The following ZBTB2 variants were observed in gnomAD, a reference collection of about 807,000 sequenced individuals.
ZBTB2 encodes zinc finger and BTB domain-containing protein 2.
Under a neutral mutation model 39.5 loss-of-function variants are expected in ZBTB2, and 2 were observed. The ratio of observed to expected loss-of-function variants is 0.05; its 90% CI spans 0.02 to 0.16. The LOEUF (loss-of-function observed/expected upper bound fraction) is 0.16, where lower values mean the gene tolerates loss of function less well. Among genes scored for constraint, ZBTB2 ranks in the 10% least tolerant of loss-of-function variants. ZBTB2 has a pLI of 1.00. For missense variants in ZBTB2, 391 were observed against 653.0 expected (o/e 0.60, Z 4.37); for synonymous variants, 251 against 256.6 (o/e 0.98, Z 0.21).
intron 2 of ZBTB2, among the ~76,000 whole-genome samples, chr6:151,371,835 G>T (rs545235254): frequency 1.3e-5 from 2 of 152,356 alleles, no homozygotes; most frequent in East Asian, 3.9e-4. Context: ...GAAAGGAAAA[G>T]AAGTGACAAA....
intron 1 of ZBTB2, among the ~76,000 whole-genome samples, chr6:151,381,442 A>C (rs928237581): frequency 1.3e-5 from 2 of 152,056 alleles, no homozygotes; most frequent in Non-Finnish European, 2.9e-5. Context: ...AATCACTTAA[A>C]CTTGGGAAGT....
intron 1 of ZBTB2, among the ~76,000 whole-genome samples, chr6:151,384,973 C>T (rs1371655082): frequency 6.6e-6 from 1 of 151,890 alleles, no homozygotes; most frequent in African/African-American, 2.4e-5. Flanking sequence ...CACAAAGGGC[C>T]GACAATCAAG....
rs1402173405 is a variant in ZBTB2 at position 151,368,760 on chromosome 6, C to T, written c.174-1868G>A. On this transcript the variant is annotated intron_variant, in intron 2 of 2. Coordinates refer to ENST00000325144, the MANE Select transcript of ZBTB2 (RefSeq NM_020861.3). ...TGAGCTACTGCGCCTGGTCATTTTT[C>T]TTTCTTTTTTTTTTTAATTTTGAGA... 2.1e-5 allele frequency among the ~76,000 whole-genome samples: 3 copies of T among 141,278 alleles called. No homozygotes were observed. In the East Asian group the frequency reaches 6.4e-4, roughly 30 times the overall value. The allele number at this position is 141,278 out of a possible 152,430, so 92.7% of individuals were successfully genotyped here.
At chr6:151,368,256 C>G (rs1778692789) in intron 2 of ZBTB2, among the ~76,000 whole-genome samples, 1 of 151,856 alleles carries the variant, frequency 6.6e-6, no homozygotes, top group Non-Finnish European at 1.5e-5. Context: ...ACACCATTCT[C>G]CTGCCTCAGC....
intron 1 of ZBTB2, among the ~76,000 whole-genome samples, chr6:151,383,868 T>C (rs1562770677): frequency 6.6e-6 from 1 of 152,200 alleles, no homozygotes; most frequent in Non-Finnish European, 1.5e-5. Flanking sequence ...GCCTGATGCT[T>C]CTGGAAAGCT....
chr6:151,389,579 G>C (rs1779237681), intron 1 of ZBTB2, among the ~76,000 whole-genome samples: 1 of 152,186 alleles, frequency 6.6e-6, no homozygotes, highest in African/African-American at 2.4e-5. Flanking sequence ...CTGGAGTTCT[G>C]ATAATTCTGA....
intron 2 of ZBTB2, among the ~76,000 whole-genome samples, chr6:151,367,510 G>A (rs191873752): frequency 2.0e-5 from 3 of 152,254 alleles, no homozygotes; most frequent in African/African-American, 7.2e-5. Flanking sequence ...CACTGCTCCT[G>A]GGCTTTACAG....
At chr6:151,372,033 A>C (rs577283212) in intron 2 of ZBTB2, among the ~76,000 whole-genome samples, 6 of 152,326 alleles carry the variant, frequency 3.9e-5, no homozygotes, top group Non-Finnish European at 7.4e-5. Flanking sequence ...AGAGTTCTGG[A>C]GACAGAACAG....
At chr6:151,378,815 T>C (rs2114869796) in intron 1 of ZBTB2, among the ~76,000 whole-genome samples, 1 of 152,350 alleles carries the variant, frequency 6.6e-6, no homozygotes, top group East Asian at 1.9e-4. Context: ...TTGATGATAA[T>C]GATAAGAATT....
intron 2 of ZBTB2, among the ~76,000 whole-genome samples, chr6:151,372,774 G>C (rs1319924005): frequency 6.6e-6 from 1 of 152,114 alleles, no homozygotes; most frequent in Non-Finnish European, 1.5e-5. Context: ...ACTGGGGCTG[G>C]AGGAATGAGA....
chr6:151,380,123 C>T (rs192057250), intron 1 of ZBTB2, among the ~76,000 whole-genome samples: 64 of 150,842 alleles, frequency 4.2e-4, no homozygotes, highest in East Asian at 1.6e-3. Context: ...AGAATACATG[C>T]GCATGACCAG....
intron 1 of ZBTB2, among the ~76,000 whole-genome samples, chr6:151,382,195 T>A: frequency 6.6e-6 from 1 of 152,392 alleles, no homozygotes; most frequent in East Asian, 1.9e-4. Context: ...TTGTTGTACA[T>A]GTGGTCTTTC....
intron 2 of ZBTB2, among the ~76,000 whole-genome samples, chr6:151,368,108 C>A (rs1051769444): frequency 6.6e-6 from 1 of 151,932 alleles, no homozygotes; most frequent in Non-Finnish European, 1.5e-5. Context: ...CTTCTTTGGC[C>A]CTTTTAGCAA....
At chr6:151,390,790 A>G (rs1454409338) in intron 1 of ZBTB2, among the ~76,000 whole-genome samples, 1 of 138,616 alleles carries the variant, frequency 7.2e-6, no homozygotes, top group Non-Finnish European at 1.6e-5. Context: ...CCTCCCCCAA[A>G]CCCACTTCCG....
At chr6:151,371,784 A>C (rs1231515839) in intron 2 of ZBTB2, among the ~76,000 whole-genome samples, 1 of 152,242 alleles carries the variant, frequency 6.6e-6, no homozygotes, top group East Asian at 1.9e-4. Context: ...ATACGAATCC[A>C]ATAGTAATGT....
intron 1 of ZBTB2, among the ~76,000 whole-genome samples, chr6:151,389,211 C>T (rs561271460): frequency 6.6e-6 from 1 of 151,988 alleles, no homozygotes; most frequent in East Asian, 1.9e-4. Context: ...CACTTGAGCC[C>T]AGAAGTTCAA....
At chr6:151,371,677 T>C (rs745717606) in intron 2 of ZBTB2, among the ~76,000 whole-genome samples, 1 of 152,194 alleles carries the variant, frequency 6.6e-6, no homozygotes, top group Non-Finnish European at 1.5e-5. Flanking sequence ...GTGTGTTATT[T>C]TAATATGCAC....
intron 2 of ZBTB2, among the ~76,000 whole-genome samples, chr6:151,368,239 C>G (rs749428199): frequency 6.6e-6 from 1 of 152,024 alleles, no homozygotes; most frequent in Non-Finnish European, 1.5e-5. Flanking sequence ...CTCCGCCTCC[C>G]GGGTTCACAC....
chr6:151,387,165 A>G (rs1279697678), intron 1 of ZBTB2, among the ~76,000 whole-genome samples: 1 of 152,204 alleles, frequency 6.6e-6, no homozygotes, highest in Non-Finnish European at 1.5e-5. Context: ...TGACAAGTCT[A>G]CTTTCTTAAA....
Sources: allele counts gnomAD v4.1 joint callset (sites outside exome capture counted in the v4.1 genomes callset), GRCh38; gene constraint gnomAD v4.1.1; transcripts MANE v1.5; gene names NCBI Gene and HGNC (gene_info 2026-07-23, HGNC 2026-07-21).